KCNB2: variants seen among roughly 807,000 people sequenced by gnomAD.
KCNB2 encodes the protein potassium voltage-gated channel subfamily B member 2.
In KCNB2, 15 loss-of-function variants were observed where a neutral mutation model predicts 61.5. That is an observed-to-expected ratio of 0.24 (90% confidence interval 0.16 to 0.38). The LOEUF is 0.38. Ranked by LOEUF, KCNB2 falls within the 10% of genes least tolerant of loss-of-function variation. The probability of loss-of-function intolerance (pLI) is 1.00; values close to 1 mark genes in which losing one functional copy is unlikely to be tolerated. For synonymous variants in KCNB2, 457 were observed against 446.0 expected (o/e 1.02, Z -0.31); for missense variants, 828 against 1,125.2 (o/e 0.74, Z 3.78).
intron 2 of KCNB2, among the ~76,000 whole-genome samples, chr8:72,714,473 T>G (rs1370386306): frequency 6.6e-6 from 1 of 152,086 alleles, no homozygotes; most frequent in African/African-American, 2.4e-5. Flanking sequence ...CAGCAGAAAC[T>G]CTACAAGCCA....
At chr8:72,893,722 T>C (rs1805939094) in intron 2 of KCNB2, among the ~76,000 whole-genome samples, 1 of 152,200 alleles carries the variant, frequency 6.6e-6, no homozygotes, top group Non-Finnish European at 1.5e-5. Context: ...AGCCAGTTTC[T>C]TTTTTCAACA....
chr8:72,562,780 A>G (rs1806557730), intron 1 of KCNB2, among the ~76,000 whole-genome samples: 1 of 152,220 alleles, frequency 6.6e-6, no homozygotes, highest in South Asian at 2.1e-4. Flanking sequence ...TTATGGGGTA[A>G]AAAATCATTA....
intron 2 of KCNB2, among the ~76,000 whole-genome samples, chr8:72,659,755 C>T (rs1806349292): frequency 6.6e-6 from 1 of 152,342 alleles, no homozygotes; most frequent in South Asian, 2.1e-4. Context: ...CCAGCAAAAA[C>T]TCATTGAAGG....
intron 2 of KCNB2, among the ~76,000 whole-genome samples, chr8:72,789,075 G>A (rs1282017059): frequency 2.0e-5 from 3 of 152,050 alleles, no homozygotes; most frequent in Non-Finnish European, 2.9e-5. Flanking sequence ...ACTGGGAAAG[G>A]GAGACATGTA....
chr8:72,846,104 C>G (rs139168068), intron 2 of KCNB2, among the ~76,000 whole-genome samples: 5 of 152,080 alleles, frequency 3.3e-5, no homozygotes, highest in African/African-American at 1.2e-4. Context: ...TCCTGGTCTG[C>G]GGGTTGTGAA....
Position 72,929,035 on chromosome 8 carries a change from G to A in KCNB2, c.580-6900G>A, listed in dbSNP as rs116955467. Among the ~76,000 whole-genome samples, 639 of 152,240 alleles carry A rather than the reference G, an allele frequency of 4.2e-3. 4 individuals are homozygous for A. Among genetic ancestry groups the A allele is most frequent in the Non-Finnish European group, 5.2e-3 (354 of 68,030 alleles). ...CACTTATCACATTCTGCACTTGGCA[G>A]GATGCTTTCATGTGCATGATCCAGT... On this transcript the variant is annotated intron_variant, in intron 2 of 2. Transcript: ENST00000523207.
intron 2 of KCNB2, among the ~76,000 whole-genome samples, chr8:72,803,856 G>T (rs1378921007): frequency 6.6e-6 from 1 of 152,212 alleles, no homozygotes; most frequent in South Asian, 2.1e-4. Flanking sequence ...AGAGAAAGCA[G>T]GAAGGAAGAG....
At chr8:72,860,169 A>C (rs929417174) in intron 2 of KCNB2, among the ~76,000 whole-genome samples, 1 of 152,146 alleles carries the variant, frequency 6.6e-6, no homozygotes, top group Non-Finnish European at 1.5e-5. Flanking sequence ...TTTTGTCTGG[A>C]CATATGTTTT....
At position 72,915,647 on chromosome 8, in the gene KCNB2, C is replaced by T. The variant is rs142109635; in HGVS notation, c.580-20288C>T. On this transcript the variant is annotated intron_variant, in intron 2 of 2. Transcript: ENST00000523207. ...AAATAGAAAAATCTGCTGCCGGGCA[C>T]GGTGGCTCATACCTGTAATCCCAGC... 3.5e-3 allele frequency among the ~76,000 whole-genome samples: 534 copies of T among 152,230 alleles called. 2 individuals carry two copies. The highest frequency in any genetic ancestry group is 0.014 in the Middle Eastern group (4 of 294).
chr8:72,636,245 A>C (rs1359855543), intron 2 of KCNB2, among the ~76,000 whole-genome samples: 1 of 152,210 alleles, frequency 6.6e-6, no homozygotes, highest in Admixed American at 6.5e-5. Context: ...AGCTGAAATA[A>C]CAGTTTATGT....
At chr8:72,931,604 G>A (rs1806786339) in intron 2 of KCNB2, among the ~76,000 whole-genome samples, 1 of 152,250 alleles carries the variant, frequency 6.6e-6, no homozygotes, top group Non-Finnish European at 1.5e-5. Flanking sequence ...CTGTTTGTCT[G>A]TTATTGGTGT....
At chr8:72,603,883 G>T (rs1805404059) in intron 2 of KCNB2, among the ~76,000 whole-genome samples, 1 of 152,080 alleles carries the variant, frequency 6.6e-6, no homozygotes, top group Non-Finnish European at 1.5e-5. Flanking sequence ...GTAGAAATTG[G>T]CATGATGCAT....
intron 2 of KCNB2, among the ~76,000 whole-genome samples, chr8:72,765,851 G>A (rs1281399839): frequency 2.0e-5 from 3 of 152,140 alleles, no homozygotes; most frequent in Admixed American, 6.6e-5. Context: ...AATTTTTAAC[G>A]CATTACAAAG....
At chr8:72,682,593 T>TTAA (rs1028205139) in intron 2 of KCNB2, among the ~76,000 whole-genome samples, 1 of 133,354 alleles carries the variant, frequency 7.5e-6, no homozygotes, top group Non-Finnish European at 1.6e-5. Context: ...AAGTTGAATT[T>TTAA]AAAAAAAAAA....
At chr8:72,802,589 C>T (rs1467748083) in intron 2 of KCNB2, among the ~76,000 whole-genome samples, 1 of 152,058 alleles carries the variant, frequency 6.6e-6, no homozygotes, top group Non-Finnish European at 1.5e-5. Context: ...ACCATTCTTC[C>T]TTCCATCACT....
intron 2 of KCNB2, among the ~76,000 whole-genome samples, chr8:72,919,985 T>C (rs1198039829): frequency 6.6e-6 from 1 of 152,154 alleles, no homozygotes; most frequent in Non-Finnish European, 1.5e-5. Flanking sequence ...ATCACCTCTA[T>C]TACCTGAAGA....
At chr8:72,756,839 A>ATTG (rs1808298326) in intron 2 of KCNB2, among the ~76,000 whole-genome samples, 1 of 152,186 alleles carries the variant, frequency 6.6e-6, no homozygotes, top group African/African-American at 2.4e-5. Flanking sequence ...ATAGGGAGTC[A>ATTG]AAGAGGGGTC....
At chr8:72,917,737 G>T (rs945953949) in intron 2 of KCNB2, among the ~76,000 whole-genome samples, 9 of 152,150 alleles carry the variant, frequency 5.9e-5, no homozygotes, top group Admixed American at 3.3e-4. Context: ...TATAATAGGT[G>T]AATGTTTTTG....
At chr8:72,633,460 G>A (rs559990343) in intron 2 of KCNB2, among the ~76,000 whole-genome samples, 2 of 151,998 alleles carry the variant, frequency 1.3e-5, no homozygotes, top group Non-Finnish European at 2.9e-5. Flanking sequence ...AGTGCCATTC[G>A]CCATGTAACT....
Sources: gnomAD v4.1 joint callset for allele counts (sites outside exome capture counted in the v4.1 genomes callset) on GRCh38, gnomAD v4.1.1 for gene constraint, MANE v1.5 for transcripts, NCBI Gene and HGNC (gene_info 2026-07-23, HGNC 2026-07-21) for gene names.